The following GPC6 variants were observed in gnomAD, a reference collection of about 807,000 sequenced individuals.
GPC6 encodes glypican 6.
In GPC6, 14 loss-of-function variants were observed where a neutral mutation model predicts 55.2. The observed-to-expected ratio is 0.25, with a 90% CI of 0.17 to 0.40. The LOEUF (loss-of-function observed/expected upper bound fraction) is 0.40, where lower values mean the gene tolerates loss of function less well. Ranked by LOEUF, GPC6 falls within the 10% of genes least tolerant of loss-of-function variation. The pLI is 1.00. For synonymous variants in GPC6, 278 were observed against 259.6 expected (o/e 1.07, Z -0.68); for missense variants, 641 against 708.5 (o/e 0.90, Z 1.08).
chr13:93,582,486 G>C (rs547749598), intron 2 of GPC6, among the ~76,000 whole-genome samples: 1 of 152,206 alleles, frequency 6.6e-6, no homozygotes, highest in South Asian at 2.1e-4. Context: ...CCATTTCATA[G>C]GAAGAACATA....
At chr13:93,238,641 T>C (rs1406104079) in intron 1 of GPC6, among the ~76,000 whole-genome samples, 3 of 152,018 alleles carry the variant, frequency 2.0e-5, no homozygotes, top group African/African-American at 7.2e-5. Context: ...TGGGCATCCT[T>C]GTCTTGTTCC....
Position 93,729,177 on chromosome 13 carries a change from C to G in GPC6, c.320-100977C>G, listed in dbSNP as rs1249209903. On this transcript the variant is annotated intron_variant, in intron 2 of 8. Transcript: ENST00000377047. ...TAATAGTCTTAAATAGAGTCCTGCTCTCTTCTCTGTGTAGCTTAACCTACA... is the reference window on the plus strand; with the variant it reads ...TAATAGTCTTAAATAGAGTCCTGCTGTCTTCTCTGTGTAGCTTAACCTACA... Among the ~76,000 whole-genome samples the G allele has an allele frequency of 2.6e-5, 4 of 152,270 alleles. No individual in the cohort carries two copies. The South Asian group carries it at 8.3e-4, about 32-fold the overall frequency.
intron 4 of GPC6, among the ~76,000 whole-genome samples, chr13:94,112,872 C>G (rs1886301433): frequency 1.3e-5 from 2 of 151,874 alleles, no homozygotes; most frequent in Admixed American, 6.6e-5. Context: ...CTACCTAATA[C>G]CTAATTTTTA....
intron 6 of GPC6, among the ~76,000 whole-genome samples, chr13:94,341,053 C>T (rs565688482): frequency 6.6e-6 from 1 of 152,292 alleles, no homozygotes; most frequent in South Asian, 2.1e-4. Flanking sequence ...AGGGGAAAAT[C>T]CTTTCCAAAT....
At chr13:93,489,154 G>T (rs1879852389) in intron 1 of GPC6, among the ~76,000 whole-genome samples, 1 of 151,494 alleles carries the variant, frequency 6.6e-6, no homozygotes, top group Non-Finnish European at 1.5e-5. Flanking sequence ...TGTATAAGGT[G>T]TAAGGAAAGG....
intron 2 of GPC6, among the ~76,000 whole-genome samples, chr13:93,602,574 A>G (rs747780695): frequency 1.3e-5 from 2 of 151,912 alleles, no homozygotes; most frequent in Non-Finnish European, 2.9e-5. Flanking sequence ...TTACTCATAT[A>G]AATAATCTTG....
At chr13:93,480,319 T>A (rs1445475362) in intron 1 of GPC6, among the ~76,000 whole-genome samples, 1 of 152,166 alleles carries the variant, frequency 6.6e-6, no homozygotes, top group East Asian at 1.9e-4. Flanking sequence ...TTGAATTAAA[T>A]AAAAAAATTT....
rs186945461 is a variant in GPC6, at chr13:93,627,597, C to T, written c.319+82176C>T. Among the ~76,000 whole-genome samples the T allele has an allele frequency of 2.0e-5, 3 of 152,294 alleles. No individual in the cohort carries two copies. In the East Asian group the frequency reaches 5.8e-4, roughly 29 times the overall value. Reference sequence around the variant, plus strand: ...TCTGATGACCACTTCTATAAGTACGCTTCAGATCTTTTCAGAAGTGCCACA... The same window carrying T: ...TCTGATGACCACTTCTATAAGTACGTTTCAGATCTTTTCAGAAGTGCCACA... On this transcript the variant is annotated intron_variant, in intron 2 of 8. Transcript: ENST00000377047.
At chr13:93,392,290 A>C (rs1875661523) in intron 1 of GPC6, among the ~76,000 whole-genome samples, 1 of 152,222 alleles carries the variant, frequency 6.6e-6, no homozygotes, top group Admixed American at 6.5e-5. Flanking sequence ...TTAGCCTGGC[A>C]ACTACGACCA....
intron 1 of GPC6, among the ~76,000 whole-genome samples, chr13:93,425,156 C>A (rs1481984276): frequency 1.3e-5 from 2 of 152,030 alleles, no homozygotes; most frequent in Non-Finnish European, 2.9e-5. Flanking sequence ...ATGCAAAATT[C>A]GTGATGAATG....
intron 2 of GPC6, among the ~76,000 whole-genome samples, chr13:93,626,301 T>C (rs1454356147): frequency 2.0e-5 from 3 of 152,220 alleles, no homozygotes; most frequent in African/African-American, 7.2e-5. Context: ...AGCAGAACGT[T>C]AAACCAAGTT....
chr13:94,303,740 A>T (rs1050850233), intron 5 of GPC6, among the ~76,000 whole-genome samples: 1 of 145,424 alleles, frequency 6.9e-6, no homozygotes, highest in Admixed American at 7.1e-5. Flanking sequence ...TGACTAACCT[A>T]TGTTCTGTAA....
chr13:93,231,347 A>ATATATATATG (rs1876012192), intron 1 of GPC6, among the ~76,000 whole-genome samples: 3 of 29,606 alleles, frequency 1.0e-4, no homozygotes, highest in African/African-American at 5.6e-4. Flanking sequence ...ATATATATAC[A>ATATATATATG]TATATATATA....
At chr13:93,633,411 C>A (rs568291369) in intron 2 of GPC6, among the ~76,000 whole-genome samples, 1 of 151,936 alleles carries the variant, frequency 6.6e-6, no homozygotes, top group Non-Finnish European at 1.5e-5. Context: ...TTTGGGAGGC[C>A]GAGGCAGGTG....
chr13:93,948,054 T>C (rs1433888643), intron 3 of GPC6, among the ~76,000 whole-genome samples: 2 of 152,188 alleles, frequency 1.3e-5, no homozygotes, highest in African/African-American at 2.4e-5. Context: ...ATAATAAGAA[T>C]ATATTTCTCA....
At chr13:93,968,128 G>A (rs573083777) in intron 3 of GPC6, among the ~76,000 whole-genome samples, 13 of 152,154 alleles carry the variant, frequency 8.5e-5, no homozygotes, top group African/African-American at 2.9e-4. Flanking sequence ...AATATAAGGC[G>A]TAGCTTTACT....
At chr13:93,543,352 C>T (rs1254926615) in intron 1 of GPC6, among the ~76,000 whole-genome samples, 1 of 152,080 alleles carries the variant, frequency 6.6e-6, no homozygotes, top group Non-Finnish European at 1.5e-5. Flanking sequence ...ATTGAACCAG[C>T]CTTGCATCCC....
intron 4 of GPC6, among the ~76,000 whole-genome samples, chr13:94,265,689 A>G (rs939162547): frequency 3.3e-5 from 5 of 152,184 alleles, no homozygotes; most frequent in Non-Finnish European, 5.9e-5. Context: ...AAGTGGGTAA[A>G]ACTTGCAGAG....
intron 2 of GPC6, among the ~76,000 whole-genome samples, chr13:93,700,978 C>A (rs148274095): frequency 7.9e-4 from 120 of 152,048 alleles, no homozygotes; most frequent in African/African-American, 2.7e-3. Flanking sequence ...AAGTTTTTTG[C>A]AGAGATCAAA....
Sources: gnomAD v4.1 joint callset for allele counts (sites outside exome capture counted in the v4.1 genomes callset) on GRCh38, gnomAD v4.1.1 for gene constraint, MANE v1.5 for transcripts, NCBI Gene and HGNC (gene_info 2026-07-23, HGNC 2026-07-21) for gene names.